Variants in POLA1 observed in about 807,000 individuals in gnomAD.
POLA1 encodes the protein DNA polymerase alpha 1, catalytic subunit, also known as DNA polymerase alpha catalytic subunit.
A neutral mutation model predicts 124.0 loss-of-function variants in POLA1; 15 were observed. The observed-to-expected ratio is 0.12, with a 90% confidence interval of 0.08 to 0.19. POLA1 has a LOEUF of 0.19. Among genes scored for constraint, POLA1 ranks in the 10% least tolerant of loss-of-function variants. The pLI is 1.00. For synonymous variants in POLA1, 408 were observed against 389.4 expected (o/e 1.05, Z -0.56); for missense variants, 886 against 1,103.4 (o/e 0.80, Z 2.79).
intron 36 of POLA1, among the ~76,000 whole-genome samples, chrX:24,938,381 A>T (rs1184010783): frequency 9.0e-6 from 1 of 111,386 alleles, no homozygotes; most frequent in Non-Finnish European, 1.9e-5. Flanking sequence ...GCACCATAGC[A>T]CTCCAGCCTG....
At chrX:24,723,925 CG>C (rs1398197302) in intron 11 of POLA1, among the ~76,000 whole-genome samples, 1 of 112,405 alleles carries the variant, frequency 8.9e-6, no homozygotes, top group Non-Finnish European at 1.9e-5. Flanking sequence ...GTGATCTGCC[CG>C]CCTTGGCCTC....
chrX:24,855,448 A>G (rs2046631362), intron 34 of POLA1, among the ~76,000 whole-genome samples: 1 of 111,595 alleles, frequency 9.0e-6, no homozygotes, highest in African/African-American at 3.3e-5. Flanking sequence ...ATATGCTGCC[A>G]ATCCCAAAGA....
intron 22 of POLA1, 78 bp downstream of exon 22, chrX:24,742,199 C>A: frequency 3.7e-6 from 3 of 815,621 alleles, no homozygotes; most frequent in Non-Finnish European, 3.3e-6. Context: ...CCTTTTTTTT[C>A]TGTGATAACA....
chrX:24,993,750 T>TC (rs2048563858), intron 36 of POLA1, among the ~76,000 whole-genome samples: 2 of 111,755 alleles, frequency 1.8e-5, no homozygotes, highest in South Asian at 7.5e-4. Flanking sequence ...TGTTATTGAT[T>TC]AAATTCTCTT....
chrX:24,989,021 C>T (rs1044643579), intron 36 of POLA1, among the ~76,000 whole-genome samples: 1 of 111,703 alleles, frequency 9.0e-6, no homozygotes, highest in African/African-American at 3.3e-5. Context: ...GTTGTGTATG[C>T]TTCTTGGATA....
intron 10 of POLA1, 30 bp from the exon 11 acceptor site, chrX:24,723,124 CT>C (rs758067161): frequency 2.0e-6 from 2 of 1,013,458 alleles, no homozygotes; most frequent in Admixed American, 4.4e-5. Context: ...TGAAATGTTT[CT>C]TTTCTCGTGA....
chrX:24,902,916 G>A (rs1158095719), intron 35 of POLA1, among the ~76,000 whole-genome samples: 4 of 111,927 alleles, frequency 3.6e-5, no homozygotes, highest in Non-Finnish European at 7.5e-5. Flanking sequence ...ACTTTACCCC[G>A]AAAAAGACTT....
intron 36 of POLA1, among the ~76,000 whole-genome samples, chrX:24,946,620 A>G (rs2047964202): frequency 9.0e-6 from 1 of 111,175 alleles, no homozygotes; most frequent in South Asian, 3.8e-4. Context: ...GTCTCTGTTC[A>G]TATTCTATTC....
chrX:24,720,234 CCTCCAGACGGGTCTAGGAGCCCTTT>C (rs1200299387), intron 10 of POLA1, among the ~76,000 whole-genome samples: 3 of 111,847 alleles, frequency 2.7e-5, no homozygotes, highest in Non-Finnish European at 5.6e-5. Context: ...TGTACCTAAA[CCTCCAGACGGGTCTAGGAGCCCTTT>C]CTCCTTGTGA....
At chrX:24,712,434 G>A (rs1929524677) in intron 4 of POLA1, among the ~76,000 whole-genome samples, 1 of 112,134 alleles carries the variant, frequency 8.9e-6, no homozygotes, top group Non-Finnish European at 1.9e-5. Context: ...TTCATAAAAC[G>A]TAACTATTTA....
chrX:24,880,672 A>C (rs963600886), intron 34 of POLA1, among the ~76,000 whole-genome samples: 1 of 112,145 alleles, frequency 8.9e-6, no homozygotes, highest in Non-Finnish European at 1.9e-5. Context: ...TCCAAATCAC[A>C]ACATGTCATT....
rs369831914 is a variant in POLA1 at position 24,699,632 on chromosome X, C to T, written c.168+83C>T. On this transcript the variant is annotated intron_variant, in intron 2 of 36. Coordinates refer to ENST00000379068, the MANE Select transcript of POLA1 (RefSeq NM_001330360.2). The stretch of plus-strand genomic sequence containing the variant: ...AGGTAGTCTTATGTCACCTTTGCCC[C>T]AGATTAGAAATACTCATATATTTTA... The T allele has an allele frequency of 9.3e-5, 74 of 795,639 alleles. No individual in the cohort carries two copies. The African/African-American group carries it at 1.4e-3, about 15-fold the overall frequency. 65.6% of individuals were successfully genotyped at this position (795,639 alleles called of 1,213,427 possible). A position where few individuals can be genotyped will look rare whatever the true frequency, so the allele number is the denominator to read the frequency against.
chrX:24,914,001 C>A (rs943653449), intron 35 of POLA1, among the ~76,000 whole-genome samples: 9 of 110,417 alleles, frequency 8.2e-5, no homozygotes, highest in African/African-American at 3.0e-4. Flanking sequence ...GCCCTCCAGC[C>A]TGGGTGAAAA....
intron 36 of POLA1, among the ~76,000 whole-genome samples, chrX:24,987,353 C>T (rs1183377501): frequency 9.0e-6 from 1 of 111,515 alleles, no homozygotes; most frequent in Non-Finnish European, 1.9e-5. Flanking sequence ...CCACAGAAAC[C>T]GAGAAATGTA....
intron 34 of POLA1, among the ~76,000 whole-genome samples, chrX:24,864,396 A>G (rs1412577368): frequency 1.8e-5 from 2 of 112,178 alleles, no homozygotes; most frequent in Non-Finnish European, 3.8e-5. Flanking sequence ...ATCCTATCCT[A>G]TTTTGTATAC....
intron 36 of POLA1, among the ~76,000 whole-genome samples, chrX:24,952,388 T>C (rs1454944026): frequency 8.9e-6 from 1 of 112,288 alleles, no homozygotes; most frequent in African/African-American, 3.2e-5. Flanking sequence ...GCATAGTATG[T>C]ACCTCCATGA....
At chrX:24,719,025 CTG>C (rs1473266083) in intron 10 of POLA1, among the ~76,000 whole-genome samples, 1 of 111,951 alleles carries the variant, frequency 8.9e-6, no homozygotes, top group African/African-American at 3.2e-5. Context: ...CATTGTGGGA[CTG>C]TGCATTGCAA....
At chrX:24,852,214 T>TA (rs2046571708) in intron 34 of POLA1, among the ~76,000 whole-genome samples, 1 of 111,897 alleles carries the variant, frequency 8.9e-6, no homozygotes, top group South Asian at 3.7e-4. Flanking sequence ...TTCCAAGAAA[T>TA]ACTACTATTG....
chrX:24,918,253 C>A (rs1396945973), intron 35 of POLA1, among the ~76,000 whole-genome samples: 1 of 108,976 alleles, frequency 9.2e-6, no homozygotes. Context: ...TCCTAAGCAT[C>A]ATTTTTGAAA....
Sources: gnomAD v4.1 joint callset for allele counts (sites outside exome capture counted in the v4.1 genomes callset) on GRCh38, gnomAD v4.1.1 for gene constraint, MANE v1.5 for transcripts, NCBI Gene and HGNC (gene_info 2026-07-23, HGNC 2026-07-21) for gene names.